RTN4RL2: variants seen among roughly 807,000 people sequenced by gnomAD.
RTN4RL2 encodes reticulon-4 receptor-like 2.
Under a neutral mutation model 27.8 loss-of-function variants are expected in RTN4RL2, and 9 were observed. The ratio of observed to expected loss-of-function variants is 0.32; its 90% CI spans 0.20 to 0.57. The LOEUF (loss-of-function observed/expected upper bound fraction) is 0.57. RTN4RL2 is among the 20% of genes least tolerant of loss of function. RTN4RL2 has a pLI of 0.90. For synonymous variants in RTN4RL2, 285 were observed against 297.9 expected, an observed-to-expected ratio of 0.96 and a Z score of 0.45; for missense variants, 436 against 596.8, an observed-to-expected ratio of 0.73 and a Z score of 2.81.
chr11:57,468,451 C>T, intron 2 of RTN4RL2: 5 of 973,006 alleles, frequency 5.1e-6, no homozygotes, highest in Non-Finnish European at 7.7e-6. Flanking sequence ...TTCTGTCTGT[C>T]TCCCTTCACA....
intron 2 of RTN4RL2, among the ~76,000 whole-genome samples, chr11:57,472,176 A>G (rs911967966): frequency 6.6e-5 from 10 of 151,292 alleles, no homozygotes; most frequent in African/African-American, 2.2e-4. Context: ...TTTCTCTTTC[A>G]GTCATTACAG....
intron 2 of RTN4RL2, chr11:57,468,474 A>G (rs1458507931): frequency 8.0e-7 from 1 of 1,248,536 alleles, no homozygotes; most frequent in Non-Finnish European, 1.1e-6. Context: ...CCCACTCCGC[A>G]TACACCCCCA....
intron 2 of RTN4RL2, among the ~76,000 whole-genome samples, chr11:57,470,912 G>T (rs1268856427): frequency 6.6e-6 from 1 of 152,108 alleles, no homozygotes; most frequent in Non-Finnish European, 1.5e-5. Context: ...AAGAATGGCT[G>T]TAAATAGGAA....
In RTN4RL2 at chr11:57,476,938, G is replaced by C. The variant is rs2135126038; in HGVS notation, c.*27G>C. Reference sequence around the variant, plus strand: ...TGCGGTGCTGAGATCGAAGAGGCCAGTGTCCGATCCCCGCTTCCCGTCCAC... The same window carrying C: ...TGCGGTGCTGAGATCGAAGAGGCCACTGTCCGATCCCCGCTTCCCGTCCAC... On this transcript the variant is annotated 3_prime_UTR_variant, in exon 3 of 3. Coordinates refer to ENST00000335099, the MANE Select transcript of RTN4RL2 (RefSeq NM_178570.3). The surrounding 1 kb of genome is among the most constrained non-coding windows in gnomAD (Gnocchi z 8.2). The C allele has an allele frequency of 1.3e-6, 2 of 1,527,350 alleles. No individual in the cohort carries two copies. Among genetic ancestry groups the C allele is most frequent in the Non-Finnish European group, 8.7e-7 (1 of 1,147,574 alleles). The allele number at this position is 1,527,350 out of a possible 1,614,324, so 94.6% of individuals were successfully genotyped here.
At chr11:57,472,308 G>A (rs575399633) in intron 2 of RTN4RL2, among the ~76,000 whole-genome samples, 1 of 152,026 alleles carries the variant, frequency 6.6e-6, no homozygotes, top group South Asian at 2.1e-4. Flanking sequence ...CACCTCCTGG[G>A]GTCAAACAAT....
intron 2 of RTN4RL2, among the ~76,000 whole-genome samples, chr11:57,469,699 G>A (rs1411292212): frequency 1.3e-5 from 2 of 152,126 alleles, no homozygotes; most frequent in Non-Finnish European, 2.9e-5. Flanking sequence ...CTGAAGATGT[G>A]GGTCAACTTC....
intron 2 of RTN4RL2, chr11:57,468,855 A>G (rs1330660822): frequency 4.2e-5 from 39 of 925,798 alleles, no homozygotes; most frequent in Non-Finnish European, 5.9e-5. Context: ...ATTGTTATTC[A>G]TTGTTATTAT....
rs747118714 is a variant in RTN4RL2 at position 57,467,564 on chromosome 11, T to G, written c.32-45T>G. On this transcript the variant is annotated intron_variant, in intron 1 of 2. Transcript: ENST00000335099. This position sits in a 1 kb window ranked among gnomAD's most constrained non-coding sequence, Gnocchi z 5.5. ...GGGGCTGGCCCCCAGCTGGCACTCC[T>G]GCCCTGGAAGCCCACCTAGTAAGTT... is the stretch of plus-strand genomic sequence containing the variant. The G allele has an allele frequency of 1.3e-6, 2 of 1,558,058 alleles. No homozygotes were observed. The highest frequency in any genetic ancestry group is 1.7e-6 in the Non-Finnish European group (2 of 1,152,830).
At position 57,477,516 on chromosome 11, in the gene RTN4RL2, A is replaced by T. The variant is rs992091441; in HGVS notation, c.*605A>T. Reference sequence around the variant, plus strand: ...AGTTGTTTGGGAAAAAAAATTTATTAAAAAATTCTATTATTTTATCTACTG... The same window carrying T: ...AGTTGTTTGGGAAAAAAAATTTATTTAAAAATTCTATTATTTTATCTACTG... On this transcript the variant is annotated 3_prime_UTR_variant, in exon 3 of 3. Coordinates refer to ENST00000335099, the MANE Select transcript of RTN4RL2 (RefSeq NM_178570.3). 2 of 152,216 alleles carry T rather than the reference A, an allele frequency of 1.3e-5. No individual in the cohort carries two copies. Among genetic ancestry groups the T allele is most frequent in the Non-Finnish European group, 2.9e-5 (2 of 68,036 alleles). 9.4% of individuals were successfully genotyped at this position (152,216 alleles called of 1,614,324 possible). A position where few individuals can be genotyped will look rare whatever the true frequency, so the allele number is the denominator to read the frequency against.
chr11:57,476,344 C>G lies in RTN4RL2; in HGVS notation c.696C>G (p.Leu232=), dbSNP rs1590734712. The G allele has an allele frequency of 6.2e-7, 1 of 1,611,902 alleles. No homozygotes were observed. The highest frequency in any genetic ancestry group is 8.5e-7 in the Non-Finnish European group (1 of 1,179,522). The change falls in exon 3 of 3, where the codon CTC becomes CTG. Residue 232 remains leucine (L), a synonymous_variant. Transcript: ENST00000335099. This position sits in a 1 kb window ranked among gnomAD's most constrained non-coding sequence, Gnocchi z 8.2. Reference sequence around the variant, plus strand: ...GCGGCCTCAGCCGCCTCACCATCCTCTACCTGTTCAACAACAGCCTGGCCT... The same window carrying G: ...GCGGCCTCAGCCGCCTCACCATCCTGTACCTGTTCAACAACAGCCTGGCCT... ...AFRGLSRLTI[L]YLFNNSLASL... is the part of the protein sequence containing the mutation.
chr11:57,476,436 G>T lies in RTN4RL2; in HGVS notation c.788G>T (p.Trp263Leu). 1 of 1,582,130 alleles carries T rather than the reference G, an allele frequency of 6.3e-7. No individual in the cohort carries two copies. Among genetic ancestry groups the T allele is most frequent in the East Asian group, 2.3e-5 (1 of 43,058 alleles). Residue 263 changes from tryptophan (W) to leucine (L), a missense_variant, in exon 3 of 3, where the codon TGG becomes TTG. Coordinates refer to ENST00000335099, the MANE Select transcript of RTN4RL2 (RefSeq NM_178570.3). This position sits in a 1 kb window ranked among gnomAD's most constrained non-coding sequence, Gnocchi z 8.2. ...LEFLRLNANP[W>L]ACDCRARPLW... Reference sequence around the variant, plus strand: ...TTCCTGCGGCTCAACGCTAACCCCTGGGCGTGCGACTGCCGCGCGCGGCCG... The same window carrying T: ...TTCCTGCGGCTCAACGCTAACCCCTTGGCGTGCGACTGCCGCGCGCGGCCG...
chr11:57,465,943 G>A (rs1342420090), intron 1 of RTN4RL2, among the ~76,000 whole-genome samples: 1 of 150,308 alleles, frequency 6.7e-6, no homozygotes, highest in Non-Finnish European at 1.5e-5. Context: ...TTTGAGGCCA[G>A]GAGTTTGAGA....
intron 2 of RTN4RL2, among the ~76,000 whole-genome samples, chr11:57,472,632 A>G (rs1282020942): frequency 6.6e-6 from 1 of 152,202 alleles, no homozygotes; most frequent in Non-Finnish European, 1.5e-5. Flanking sequence ...CTGAGCCTCG[A>G]TGGACCCATC....
At chr11:57,473,266 A>T (rs1943574961) in intron 2 of RTN4RL2, among the ~76,000 whole-genome samples, 1 of 152,196 alleles carries the variant, frequency 6.6e-6, no homozygotes, top group Admixed American at 6.5e-5. Flanking sequence ...ATGGGATCTT[A>T]AAGATCACCT....
At position 57,476,914 on chromosome 11, in the gene RTN4RL2, G is replaced by T; in HGVS notation, c.*3G>T. The T allele has an allele frequency of 6.4e-7, 1 of 1,560,496 alleles. No homozygotes were observed. Among genetic ancestry groups the T allele is most frequent in the Non-Finnish European group, 8.6e-7 (1 of 1,162,124 alleles). Reference sequence around the variant, plus strand: ...TCCTGGTGCCCCACCACCTCTGACTGCGGTGCTGAGATCGAAGAGGCCAGT... The same window carrying T: ...TCCTGGTGCCCCACCACCTCTGACTTCGGTGCTGAGATCGAAGAGGCCAGT... On this transcript the variant is annotated 3_prime_UTR_variant, in exon 3 of 3. Transcript: ENST00000335099. This position sits in a 1 kb window ranked among gnomAD's most constrained non-coding sequence, Gnocchi z 8.2.
At chr11:57,475,802 G>T (rs1052046651) in intron 2 of RTN4RL2, among the ~76,000 whole-genome samples, 1 of 152,120 alleles carries the variant, frequency 6.6e-6, no homozygotes, top group Non-Finnish European at 1.5e-5. Flanking sequence ...TCAAACTGTG[G>T]TCCTGCCAAT....
chr11:57,465,994 T>C (rs1410446289), intron 1 of RTN4RL2, among the ~76,000 whole-genome samples: 2 of 131,210 alleles, frequency 1.5e-5, no homozygotes, highest in Non-Finnish European at 3.3e-5. Flanking sequence ...CCTACAATTT[T>C]TTTTTTTTTT....
rs552218177 is a variant in RTN4RL2, at chr11:57,466,169, T to TA, written c.32-1440_32-1439insA. ...GCGCCCGCCACCATGCCCGGCTAAA[T>TA]TTTTTTTTTGTATTTTTAGTAGAGA... On this transcript the variant is annotated intron_variant, in intron 1 of 2. Transcript: ENST00000335099. Among the ~76,000 whole-genome samples, 126 of 144,770 alleles carry TA rather than the reference T, an allele frequency of 8.7e-4. 1 individual carries two copies. The East Asian group carries it at 0.018, about 21-fold the overall frequency. 95.0% of individuals were successfully genotyped at this position (144,770 alleles called of 152,430 possible).
At chr11:57,464,827 G>A (rs1344416143) in intron 1 of RTN4RL2, among the ~76,000 whole-genome samples, 1 of 152,180 alleles carries the variant, frequency 6.6e-6, no homozygotes, top group Admixed American at 6.5e-5. Flanking sequence ...GAGAGACATT[G>A]CTCCTCCACC....
Sources: allele counts gnomAD v4.1 joint callset (sites outside exome capture counted in the v4.1 genomes callset), GRCh38; gene constraint gnomAD v4.1.1; non-coding constraint Gnocchi (gnomAD v3.1); transcripts MANE v1.5; gene names NCBI Gene and HGNC (gene_info 2026-07-23, HGNC 2026-07-21).